The following TTC39C variants were observed in gnomAD, a reference collection of about 807,000 sequenced individuals.
The protein encoded by TTC39C is tetratricopeptide repeat domain 39C.
Under a neutral mutation model 76.3 loss-of-function variants are expected in TTC39C, and 33 were observed. The observed-to-expected ratio is 0.43, with a 90% CI of 0.33 to 0.58. The LOEUF is 0.58. TTC39C is among the 20% of genes least tolerant of loss of function. The probability of loss-of-function intolerance (pLI) is 0.04; values close to 1 mark genes in which losing one functional copy is unlikely to be tolerated. For synonymous variants in TTC39C, 254 were observed against 260.6 expected (o/e 0.97, Z 0.24); for missense variants, 595 against 701.4 (o/e 0.85, Z 1.71).
intron 1 of TTC39C, among the ~76,000 whole-genome samples, chr18:24,051,927 G>A (rs1200005019): frequency 1.3e-5 from 2 of 152,176 alleles, no homozygotes; most frequent in South Asian, 2.1e-4. Flanking sequence ...TCTGTCCTAG[G>A]TGGTCAGGAC....
intron 1 of TTC39C, among the ~76,000 whole-genome samples, chr18:24,050,980 T>A (rs1316194501): frequency 2.6e-5 from 4 of 152,148 alleles, no homozygotes; most frequent in Non-Finnish European, 5.9e-5. Context: ...ACTCAGGAGA[T>A]GCATTCTTCA....
chr18:24,132,506 T>C lies in TTC39C; in HGVS notation c.1684T>C (p.Phe562Leu), dbSNP rs1462004754. 2 of 1,614,140 alleles carry C rather than the reference T, an allele frequency of 1.2e-6. No homozygotes were observed. The highest frequency in any genetic ancestry group is 1.7e-6 in the Non-Finnish European group (2 of 1,180,008). ...ACAGGAGGATTTCTCTGGCTACGAC[T>C]TTGAAAACAGATTGCATGTCCGCAT... Reference protein sequence around the residue: ...QAKEDFSGYDFENRLHVRIHA... With the variant: ...QAKEDFSGYDLENRLHVRIHA... The change falls in exon 14 of 14, where the codon TTT becomes CTT. Residue 562 changes from phenylalanine (F) to leucine (L), a missense_variant. Physicochemically the swap from Phe to Leu is conservative, Grantham distance 22 (BLOSUM62 0). Coordinates refer to ENST00000317571, the MANE Select transcript of TTC39C (RefSeq NM_001135993.2).
At chr18:24,077,331 A>T (rs554046335) in intron 4 of TTC39C, 1 of 152,316 alleles carries the variant, frequency 6.6e-6, no homozygotes, top group East Asian at 1.9e-4. Context: ...GTAGGAGTAA[A>T]GTGTTCTTCC....
At position 24,131,020 on chromosome 18, in the gene TTC39C, C is replaced by CAAA. The variant is rs59161044; in HGVS notation, c.1623+638_1623+640dup. Among the ~76,000 whole-genome samples the CAAA allele has an allele frequency of 1.2e-3, 17 of 14,424 alleles. 2 individuals carry two copies. The highest frequency in any genetic ancestry group is 2.1e-3 in the Non-Finnish European group (15 of 7,024). The allele number at this position is 14,424 out of a possible 152,430, so 9.5% of individuals were successfully genotyped here. ...GCAACAAAGTGAAACCTCATCTCTG[C>CAAA]AAAAAAAAAAAAAAAAAAAAAAAAA... On this transcript the variant is annotated intron_variant, in intron 12 of 13. Transcript: ENST00000317571.
chr18:24,046,318 A>G (rs1002644239), intron 1 of TTC39C, among the ~76,000 whole-genome samples: 10 of 151,710 alleles, frequency 6.6e-5, no homozygotes, highest in African/African-American at 2.4e-4. Context: ...TGATACAGTA[A>G]CTAGTTTATT....
chr18:24,070,621 G>A (rs1187541539), intron 4 of TTC39C, among the ~76,000 whole-genome samples: 1 of 152,120 alleles, frequency 6.6e-6, no homozygotes, highest in Non-Finnish European at 1.5e-5. Context: ...TAAGCAGGCG[G>A]ATCACTTGAA....
Position 24,083,096 on chromosome 18 carries a change from TC to T in TTC39C, c.984+16del, listed in dbSNP as rs1384210767. On this transcript the variant is annotated intron_variant, in intron 6 of 13. Coordinates refer to ENST00000317571, the MANE Select transcript of TTC39C (RefSeq NM_001135993.2). ...AACGACTAGAGGTACTGTACCTTCC[TC>T]ATCTTTTTAAAATAAAGCCTCCGAT... 6.3e-7 allele frequency: 1 copy of T among 1,578,988 alleles called. No homozygotes were observed. The highest frequency in any genetic ancestry group is 1.7e-4 in the Middle Eastern group (1 of 5,862).
intron 3 of TTC39C, 48 bp from the exon 4 acceptor site, chr18:24,069,109 C>T (rs112121404): frequency 2.5e-5 from 35 of 1,402,684 alleles, no homozygotes; most frequent in African/African-American, 1.3e-4. Context: ...GGGGAACTGT[C>T]GTTGTTATGT....
At chr18:24,123,147 G>A (rs138926418) in intron 8 of TTC39C, among the ~76,000 whole-genome samples, 117 of 152,206 alleles carry the variant, frequency 7.7e-4, no homozygotes, top group African/African-American at 2.7e-3. Flanking sequence ...CATGATCCTC[G>A]GGGCTCTTCA....
At chr18:24,029,854 T>C (rs2083646925) in intron 1 of TTC39C, among the ~76,000 whole-genome samples, 1 of 152,226 alleles carries the variant, frequency 6.6e-6, no homozygotes, top group Admixed American at 6.5e-5. Context: ...CATGGCTGAG[T>C]AGTAGTTCAT....
chr18:24,077,085 G>A (rs2145752769), intron 4 of TTC39C: 1 of 152,250 alleles, frequency 6.6e-6, no homozygotes, highest in East Asian at 1.9e-4. Context: ...CCGGGAGCAG[G>A]TGTTCACTCC....
chr18:24,073,944 G>T (rs1001056424), intron 4 of TTC39C, among the ~76,000 whole-genome samples: 1 of 152,206 alleles, frequency 6.6e-6, no homozygotes, highest in African/African-American at 2.4e-5. Context: ...CCCCTTGAGG[G>T]CAGGGACTGT....
At chr18:24,050,893 C>T (rs528010957) in intron 1 of TTC39C, among the ~76,000 whole-genome samples, 1 of 142,612 alleles carries the variant, frequency 7.0e-6, no homozygotes, top group East Asian at 2.1e-4. Flanking sequence ...AAAAAAAATG[C>T]AATTCTGTTT....
chr18:24,102,603 T>G (rs2084691853), intron 6 of TTC39C, among the ~76,000 whole-genome samples: 1 of 152,036 alleles, frequency 6.6e-6, no homozygotes, highest in Admixed American at 6.6e-5. Context: ...AGGTCCACAT[T>G]GCTGGCTCTG....
chr18:24,069,573 AG>A (rs1056375739), intron 4 of TTC39C, among the ~76,000 whole-genome samples: 1 of 152,210 alleles, frequency 6.6e-6, no homozygotes, highest in African/African-American at 2.4e-5. Flanking sequence ...TGTGGGAATC[AG>A]GTTGTGATAA....
At chr18:24,101,305 T>TA (rs35978012) in intron 6 of TTC39C, among the ~76,000 whole-genome samples, 58,825 of 139,362 alleles carry the variant, frequency 0.42, 14,217 homozygotes, top group Non-Finnish European at 0.56. Flanking sequence ...TAATTTTTCA[T>TA]AAAAAAAAAA....
At chr18:24,005,418 T>C (rs977002918) in intron 1 of TTC39C, among the ~76,000 whole-genome samples, 3 of 152,182 alleles carry the variant, frequency 2.0e-5, no homozygotes, top group African/African-American at 4.8e-5. Context: ...CCCAGGTATA[T>C]AAAAGCACAG....
upstream of TTC39C, among the ~76,000 whole-genome samples, chr18:24,014,245 G>A (rs1052219868): frequency 6.6e-6 from 1 of 152,048 alleles, no homozygotes; most frequent in African/African-American, 2.4e-5. Flanking sequence ...TACTCGTGGA[G>A]TTTCAGTTAC....
At chr18:24,001,349 G>A (rs983549881) in intron 1 of TTC39C, among the ~76,000 whole-genome samples, 4 of 152,174 alleles carry the variant, frequency 2.6e-5, no homozygotes, top group Non-Finnish European at 4.4e-5. Flanking sequence ...GCCAAGGTCC[G>A]TGAAAAATAT....
Sources: gnomAD v4.1 joint callset for allele counts (sites outside exome capture counted in the v4.1 genomes callset) on GRCh38, gnomAD v4.1.1 for gene constraint, MANE v1.5 for transcripts, NCBI Gene and HGNC (gene_info 2026-07-23, HGNC 2026-07-21) for gene names.